RUNX1T1: variants seen among roughly 807,000 people sequenced by gnomAD.
RUNX1T1 encodes the protein RUNX1 partner transcriptional co-repressor 1.
In RUNX1T1, 4 loss-of-function variants were observed where a neutral mutation model predicts 62.8. The ratio of observed to expected loss-of-function variants is 0.06; its 90% confidence interval spans 0.03 to 0.15. The LOEUF (loss-of-function observed/expected upper bound fraction) is 0.15, where lower values mean the gene tolerates loss of function less well. Among genes scored for constraint, RUNX1T1 ranks in the 10% least tolerant of loss-of-function variants. The pLI is 1.00. For synonymous variants in RUNX1T1, 291 were observed against 286.0 expected, an observed-to-expected ratio of 1.02 and a Z score of -0.18; for missense variants, 508 against 754.3, an observed-to-expected ratio of 0.67 and a Z score of 3.82.
chr8:91,986,340 G>A lies in RUNX1T1; in HGVS notation c.997-15C>T, dbSNP rs773512134. The A allele has an allele frequency of 2.5e-6, 4 of 1,570,178 alleles. No homozygotes were observed. Among genetic ancestry groups the A allele is most frequent in the Non-Finnish European group, 2.6e-6 (3 of 1,140,296 alleles). On this transcript the variant is annotated splice_polypyrimidine_tract_variant and intron_variant, in intron 7 of 10. Transcript: ENST00000396218. ...CAGTTTAACAGCTATTTGGGAAAGGGGAGAATAGGGAAGAGCATATAAATC... is the reference window on the plus strand; with the variant it reads ...CAGTTTAACAGCTATTTGGGAAAGGAGAGAATAGGGAAGAGCATATAAATC...
chr8:91,975,767 G>A lies in RUNX1T1; in HGVS notation c.1267+138C>T. 4.8e-6 allele frequency: 3 copies of A among 629,112 alleles called. No individual in the cohort carries two copies. In the South Asian group the frequency reaches 6.1e-5, roughly 13 times the overall value. 39.0% of individuals were successfully genotyped at this position (629,112 alleles called of 1,614,324 possible). On this transcript the variant is annotated intron_variant, in intron 9 of 10. Coordinates refer to ENST00000396218, the Ensembl canonical transcript of RUNX1T1. ...ATATTAATCAGGTGTTTTGTTTAGT[G>A]GTTTTTTTTGTTTTGTTTTGTTTTT...
At chr8:91,979,179 C>G (rs1192791394) in intron 8 of RUNX1T1, among the ~76,000 whole-genome samples, 2 of 152,134 alleles carry the variant, frequency 1.3e-5, no homozygotes, top group African/African-American at 4.8e-5. Flanking sequence ...TTAATAGATT[C>G]AGAAACCAAA....
At chr8:92,038,760 A>G (rs538157507) in intron 1 of RUNX1T1, among the ~76,000 whole-genome samples, 1 of 152,250 alleles carries the variant, frequency 6.6e-6, no homozygotes, top group East Asian at 1.9e-4. Context: ...CATGGGTCCT[A>G]CATCTCTGCA....
chr8:92,054,779 A>G (rs2130459111), intron 1 of RUNX1T1, among the ~76,000 whole-genome samples: 1 of 152,232 alleles, frequency 6.6e-6, no homozygotes, highest in South Asian at 2.1e-4. Context: ...GCGGATCACG[A>G]GATCAGGAGA....
At chr8:92,075,592 G>A (rs532208133) in intron 2 of RUNX1T1, among the ~76,000 whole-genome samples, 1 of 152,080 alleles carries the variant, frequency 6.6e-6, no homozygotes, top group Non-Finnish European at 1.5e-5. Flanking sequence ...CCATCTCCTC[G>A]TTACAATAAA....
At chr8:91,997,623 C>T (rs943894330) in intron 5 of RUNX1T1, among the ~76,000 whole-genome samples, 1 of 152,170 alleles carries the variant, frequency 6.6e-6, no homozygotes, top group African/African-American at 2.4e-5. Context: ...AGTCACTCTA[C>T]AACTTTCTTT....
intron 10 of RUNX1T1, among the ~76,000 whole-genome samples, chr8:91,963,339 A>G (rs959606839): frequency 6.6e-6 from 1 of 152,186 alleles, no homozygotes; most frequent in Non-Finnish European, 1.5e-5. Context: ...AATTTTAATG[A>G]TCTGGTTAAA....
At chr8:91,975,226 G>A (rs1283737613) in intron 9 of RUNX1T1, among the ~76,000 whole-genome samples, 1 of 152,260 alleles carries the variant, frequency 6.6e-6, no homozygotes, top group East Asian at 1.9e-4. Flanking sequence ...ACTTCTTTAA[G>A]CCCAATAACA....
intron 1 of RUNX1T1, among the ~76,000 whole-genome samples, chr8:92,037,238 A>T (rs11785983): frequency 0.23 from 35,178 of 152,112 alleles, 4,296 homozygotes; most frequent in African/African-American, 0.3. Flanking sequence ...ACAGATGCTG[A>T]TGTTGAGAAG....
At chr8:91,998,879 A>G (rs1819222192) in intron 5 of RUNX1T1, among the ~76,000 whole-genome samples, 1 of 152,094 alleles carries the variant, frequency 6.6e-6, no homozygotes, top group Non-Finnish European at 1.5e-5. Flanking sequence ...TATTTCAGAG[A>G]TGCATTTTTT....
chr8:91,985,129 C>T lies in RUNX1T1; in HGVS notation c.1198+995G>A, dbSNP rs556418773. Reference sequence around the variant, plus strand: ...GCCAAAATTATGAACTTAATCTGCACGTTTTGCAGCATGGACAGTAACTTG... The same window carrying T: ...GCCAAAATTATGAACTTAATCTGCATGTTTTGCAGCATGGACAGTAACTTG... On this transcript the variant is annotated intron_variant, in intron 8 of 10. Coordinates refer to ENST00000396218, the Ensembl canonical transcript of RUNX1T1. Among the ~76,000 whole-genome samples the T allele has an allele frequency of 2.6e-5, 4 of 152,256 alleles. No individual in the cohort carries two copies. The South Asian group carries it at 6.2e-4, about 24-fold the overall frequency.
chr8:91,997,120 C>T (rs1323296861), intron 5 of RUNX1T1, among the ~76,000 whole-genome samples: 1 of 152,034 alleles, frequency 6.6e-6, no homozygotes, highest in East Asian at 1.9e-4. Context: ...GAGCGAGACT[C>T]CATCTCAAGG....
intron 1 of RUNX1T1, among the ~76,000 whole-genome samples, chr8:92,034,533 G>A (rs1369649360): frequency 6.6e-6 from 1 of 151,798 alleles, no homozygotes; most frequent in Non-Finnish European, 1.5e-5. Context: ...CGAAAGATAT[G>A]CATTTAACGG....
At chr8:92,039,506 T>C (rs1828043173) in intron 1 of RUNX1T1, among the ~76,000 whole-genome samples, 1 of 152,194 alleles carries the variant, frequency 6.6e-6, no homozygotes, top group African/African-American at 2.4e-5. Flanking sequence ...CCTCTCTTTA[T>C]ACCACTTGTT....
rs114586804 is a variant in RUNX1T1, at chr8:92,040,220, A to G, written c.7+22326T>C. 1.9e-3 allele frequency among the ~76,000 whole-genome samples: 291 copies of G among 152,266 alleles called. 1 individual carries two copies. Among genetic ancestry groups the G allele is most frequent in the African/African-American group, 6.3e-3 (263 of 41,560 alleles). ...CACCTCTCCCATGAAGGCTTCCCAAATTACCCCTGCCCCATATTCAGAGCA... is the reference window on the plus strand; with the variant it reads ...CACCTCTCCCATGAAGGCTTCCCAAGTTACCCCTGCCCCATATTCAGAGCA... On this transcript the variant is annotated intron_variant, in intron 1 of 10. Transcript: ENST00000396218.
At position 92,089,991 on chromosome 8, in the gene RUNX1T1, G is replaced by C. The variant is rs1031535120; in HGVS notation, c.-86+9589C>G. ...CTCCTAACCCTGGGAAAGCCCCAAA[G>C]CCTACTTTCAGTATCACACAGAGAC... On this transcript the variant is annotated intron_variant, in intron 1 of 11. Coordinates refer to the RUNX1T1 transcript ENST00000265814. 1.5e-5 allele frequency among the ~76,000 whole-genome samples: 2 copies of C among 136,332 alleles called. 1 individual carries two copies. Among genetic ancestry groups the C allele is most frequent in the African/African-American group, 5.6e-5 (2 of 35,712 alleles). The allele number at this position is 136,332 out of a possible 152,430, so 89.4% of individuals were successfully genotyped here. A position where few individuals can be genotyped will look rare whatever the true frequency, so the allele number is the denominator to read the frequency against.
intron 2 of RUNX1T1, among the ~76,000 whole-genome samples, chr8:92,016,910 A>G (rs1031584410): frequency 3.3e-5 from 5 of 152,218 alleles, no homozygotes; most frequent in African/African-American, 1.2e-4. Flanking sequence ...CTCCACATTA[A>G]GATGAATTAG....
intron 3 of RUNX1T1, among the ~76,000 whole-genome samples, chr8:92,013,647 G>A (rs1233637315): frequency 6.6e-6 from 1 of 152,056 alleles, no homozygotes; most frequent in African/African-American, 2.4e-5. Flanking sequence ...CTAAATACTC[G>A]AAAATCCTCC....
At chr8:91,958,616 A>T (rs2737805), downstream of RUNX1T1, 4,500 of 181,798 alleles carry the variant, frequency 0.025, 104 homozygotes, top group Middle Eastern at 0.048. Context: ...TTATTTTTTT[A>T]AAAAAGTCCC....
Sources: gnomAD v4.1 joint callset for allele counts (sites outside exome capture counted in the v4.1 genomes callset) on GRCh38, gnomAD v4.1.1 for gene constraint, MANE v1.5 for transcripts, NCBI Gene and HGNC (gene_info 2026-07-23, HGNC 2026-07-21) for gene names.